Variants in SLC2A9 observed in about 807,000 individuals in gnomAD.
The protein encoded by SLC2A9 is solute carrier family 2 member 9.
Under a neutral mutation model 50.6 loss-of-function variants are expected in SLC2A9, and 39 were observed. The ratio of observed to expected loss-of-function variants is 0.77; its 90% CI spans 0.60 to 1.01. The LOEUF (loss-of-function observed/expected upper bound fraction) is 1.01. Among genes scored for constraint, SLC2A9 ranks in the 50% least tolerant of loss-of-function variants. SLC2A9 has a pLI of 0.00. For synonymous variants in SLC2A9, 324 were observed against 276.9 expected (o/e 1.17, Z -1.69); for missense variants, 686 against 677.6 (o/e 1.01, Z -0.14).
chr4:9,868,828 A>C (rs893420498), intron 10 of SLC2A9, among the ~76,000 whole-genome samples: 5 of 152,208 alleles, frequency 3.3e-5, no homozygotes, highest in Admixed American at 2.6e-4. Flanking sequence ...GAGATAACTA[A>C]GTCAGTTCAT....
At chr4:10,025,872 T>C (rs760127169), upstream of SLC2A9, 6 of 1,597,574 alleles carry the variant, frequency 3.8e-6, no homozygotes, top group South Asian at 3.3e-5. Flanking sequence ...GGAATAATCA[T>C]GTAAGGGAGA....
At chr4:10,022,190 G>C (rs1763555653), upstream of SLC2A9, among the ~76,000 whole-genome samples, 1 of 152,174 alleles carries the variant, frequency 6.6e-6, no homozygotes, top group African/African-American at 2.4e-5. Flanking sequence ...TTTATTCTCT[G>C]AGCTGCAACT....
chr4:9,953,796 T>C (rs145129825), intron 5 of SLC2A9, among the ~76,000 whole-genome samples: 12 of 43,644 alleles, frequency 2.7e-4, no homozygotes, highest in Non-Finnish European at 4.9e-4. Context: ...CTAAATTTTG[T>C]TTGTTTGTTT....
At chr4:9,807,476 C>T (rs1428585174) in intron 3 of SLC2A9, among the ~76,000 whole-genome samples, 1 of 152,214 alleles carries the variant, frequency 6.6e-6, no homozygotes, top group Non-Finnish European at 1.5e-5. Context: ...TTGAGACTTG[C>T]CACAGACTCT....
intron 2 of SLC2A9, among the ~76,000 whole-genome samples, chr4:10,001,514 T>C (rs1232050721): frequency 1.3e-5 from 2 of 152,204 alleles, no homozygotes; most frequent in Non-Finnish European, 2.9e-5. Context: ...TTCAGTTCTT[T>C]CAGTCACTCA....
At chr4:9,916,497 C>G (rs1742871010) in intron 7 of SLC2A9, among the ~76,000 whole-genome samples, 1 of 152,148 alleles carries the variant, frequency 6.6e-6, no homozygotes, top group Non-Finnish European at 1.5e-5. Flanking sequence ...GAAAACAATG[C>G]TAGAAACAGT....
chr4:10,005,338 C>T (rs114834724), intron 2 of SLC2A9, among the ~76,000 whole-genome samples: 2,301 of 152,236 alleles, frequency 0.015, 58 homozygotes, highest in African/African-American at 0.052. Flanking sequence ...GTATAAAAGA[C>T]GCAGTGGGTT....
downstream of SLC2A9, among the ~76,000 whole-genome samples, chr4:9,823,804 A>AT (rs1257255117): frequency 6.6e-6 from 1 of 152,238 alleles, no homozygotes; most frequent in African/African-American, 2.4e-5. Context: ...AGTGGAAAAA[A>AT]TAGAAGATAA....
At chr4:9,980,520 G>T in intron 5 of SLC2A9, 72 bp downstream of exon 5, 1 of 1,606,292 alleles carries the variant, frequency 6.2e-7, no homozygotes, top group South Asian at 1.1e-5. Flanking sequence ...CCAGCTTTTG[G>T]AGAAAAGGCT....
chr4:9,890,341 G>C (rs938964256), intron 9 of SLC2A9, among the ~76,000 whole-genome samples: 2 of 152,148 alleles, frequency 1.3e-5, no homozygotes, highest in African/African-American at 4.8e-5. Context: ...CTCAGAGATG[G>C]AAAGTGTCTT....
At chr4:9,847,977 G>A (rs894729582) in intron 10 of SLC2A9, among the ~76,000 whole-genome samples, 3 of 152,100 alleles carry the variant, frequency 2.0e-5, no homozygotes, top group Non-Finnish European at 4.4e-5. Context: ...AAATATCTTA[G>A]GGACCCCCTA....
intron 5 of SLC2A9, among the ~76,000 whole-genome samples, chr4:9,942,737 C>T (rs1300169192): frequency 6.6e-6 from 1 of 152,238 alleles, no homozygotes; most frequent in Non-Finnish European, 1.5e-5. Flanking sequence ...GCCCAGAGCA[C>T]ACGTTACGAT....
At chr4:9,910,395 C>G (rs1741502650) in intron 7 of SLC2A9, among the ~76,000 whole-genome samples, 1 of 152,204 alleles carries the variant, frequency 6.6e-6, no homozygotes, top group Non-Finnish European at 1.5e-5. Context: ...TATGTTTATA[C>G]AATTGCTTCC....
chr4:10,032,357 G>A (rs1383621853), intron 1 of SLC2A9, among the ~76,000 whole-genome samples: 3 of 152,158 alleles, frequency 2.0e-5, no homozygotes. Flanking sequence ...GCTTGTGTGT[G>A]AGGGTTTCAG....
intron 10 of SLC2A9, among the ~76,000 whole-genome samples, chr4:9,883,355 G>A (rs78028161): frequency 0.027 from 4,177 of 152,294 alleles, 79 homozygotes; most frequent in East Asian, 0.1. Flanking sequence ...TATGTTTGTC[G>A]TGGAACGAAA....
At chr4:9,920,626 T>A in intron 6 of SLC2A9, 54 bp from the exon 7 acceptor site, 3 of 1,602,686 alleles carry the variant, frequency 1.9e-6, no homozygotes, top group Non-Finnish European at 2.6e-6. Context: ...GTCCATCATG[T>A]CTAATGCTGG....
At chr4:9,926,521 G>A (rs558051825) in intron 6 of SLC2A9, among the ~76,000 whole-genome samples, 2 of 151,486 alleles carry the variant, frequency 1.3e-5, no homozygotes, top group African/African-American at 2.4e-5. Flanking sequence ...TCCTCAGAAC[G>A]GTATCTGGCT....
intron 10 of SLC2A9, among the ~76,000 whole-genome samples, chr4:9,867,047 CA>C (rs1449558686): frequency 6.6e-6 from 1 of 152,196 alleles, no homozygotes; most frequent in Non-Finnish European, 1.5e-5. Flanking sequence ...AACTTTTTGT[CA>C]GCGTGAATCT....
At chr4:9,960,483 G>T (rs1752092346) in intron 5 of SLC2A9, among the ~76,000 whole-genome samples, 1 of 152,186 alleles carries the variant, frequency 6.6e-6, no homozygotes, top group Non-Finnish European at 1.5e-5. Flanking sequence ...CCCCTTAAGG[G>T]TTTACAGTGA....
Sources: gnomAD v4.1 joint callset for allele counts (sites outside exome capture counted in the v4.1 genomes callset) on GRCh38, gnomAD v4.1.1 for gene constraint, MANE v1.5 for transcripts, NCBI Gene and HGNC (gene_info 2026-07-23, HGNC 2026-07-21) for gene names.